The following CSMD3 variants were observed in gnomAD, a reference collection of about 807,000 sequenced individuals.
CSMD3 encodes CUB and Sushi multiple domains 3, also known as CUB and sushi domain-containing protein 3.
A neutral mutation model predicts 435.2 loss-of-function variants in CSMD3; 177 were observed. That is an observed-to-expected ratio of 0.41 (90% CI 0.36 to 0.46). The LOEUF is 0.46. Ranked by LOEUF, CSMD3 falls within the 20% of genes least tolerant of loss-of-function variation. The probability of loss-of-function intolerance (pLI) is 0.34; values close to 1 mark genes in which losing one functional copy is unlikely to be tolerated. For missense variants in CSMD3, 4,265 were observed against 4,504.6 expected (o/e 0.95, Z 1.52); for synonymous variants, 1,656 against 1,520.5 (o/e 1.09, Z -2.07).
intron 11 of CSMD3, 115 bp from the exon 12 acceptor site, chr8:112,829,904 C>G: frequency 1.6e-6 from 1 of 638,600 alleles, no homozygotes. Flanking sequence ...CACACACACA[C>G]ACACACACAC....
chr8:112,291,401 C>A, intron 56 of CSMD3, 109 bp downstream of exon 56: 2 of 799,638 alleles, frequency 2.5e-6, no homozygotes, highest in East Asian at 2.7e-5. Context: ...ACAATAAAAT[C>A]AATATGCTTC....
chr8:113,106,426 C>G (rs2090479721), intron 4 of CSMD3, among the ~76,000 whole-genome samples: 1 of 152,100 alleles, frequency 6.6e-6, no homozygotes, highest in African/African-American at 2.4e-5. Context: ...CAGAATGCAG[C>G]TAAGAGAAAA....
At chr8:113,146,280 CA>C (rs1367960508) in intron 4 of CSMD3, among the ~76,000 whole-genome samples, 2 of 151,372 alleles carry the variant, frequency 1.3e-5, no homozygotes, top group African/African-American at 4.8e-5. Flanking sequence ...CCACATGCTT[CA>C]TGGGGGGTAG....
At chr8:112,400,546 A>G (rs1831233763) in intron 35 of CSMD3, among the ~76,000 whole-genome samples, 1 of 152,184 alleles carries the variant, frequency 6.6e-6, no homozygotes, top group Non-Finnish European at 1.5e-5. Context: ...GATCTCTGAC[A>G]GAGAGATGGT....
intron 15 of CSMD3, among the ~76,000 whole-genome samples, chr8:112,684,656 T>A (rs2075972977): frequency 6.6e-6 from 1 of 152,146 alleles, no homozygotes; most frequent in Non-Finnish European, 1.5e-5. Context: ...GTGATTCATC[T>A]TTTTTCTATG....
intron 3 of CSMD3, among the ~76,000 whole-genome samples, chr8:113,215,566 A>G (rs1311456033): frequency 1.3e-5 from 2 of 151,902 alleles, no homozygotes; most frequent in Admixed American, 1.3e-4. Context: ...CAGACTTTGG[A>G]TCATTAACTT....
intron 1 of CSMD3, among the ~76,000 whole-genome samples, chr8:113,316,572 C>G (rs546621096): frequency 6.9e-6 from 1 of 145,826 alleles, no homozygotes; most frequent in Non-Finnish European, 1.5e-5. Flanking sequence ...TTTTTTGAGA[C>G]GGAATCTTGC....
intron 13 of CSMD3, among the ~76,000 whole-genome samples, chr8:112,719,027 T>C (rs1297392256): frequency 6.6e-6 from 1 of 152,162 alleles, no homozygotes; most frequent in Non-Finnish European, 1.5e-5. Context: ...ATTGAAGACA[T>C]TATTCTGATA....
At chr8:112,583,230 CCTTGAGTAA>C (rs1830464850) in intron 23 of CSMD3, among the ~76,000 whole-genome samples, 1 of 151,950 alleles carries the variant, frequency 6.6e-6, no homozygotes, top group African/African-American at 2.4e-5. Flanking sequence ...TCTACTTCGT[CCTTGAGTAA>C]CTAGTTTCTA....
intron 7 of CSMD3, among the ~76,000 whole-genome samples, chr8:112,958,207 T>C (rs1483688112): frequency 6.6e-6 from 1 of 152,212 alleles, no homozygotes; most frequent in African/African-American, 2.4e-5. Flanking sequence ...AGAAAAACTA[T>C]GTATGCTCTA....
intron 4 of CSMD3, among the ~76,000 whole-genome samples, chr8:113,124,567 A>G (rs1167807889): frequency 6.6e-6 from 1 of 151,904 alleles, no homozygotes; most frequent in Admixed American, 6.6e-5. Flanking sequence ...AGAATTTCTT[A>G]TTTCTCCATA....
chr8:112,405,009 C>T (rs1380911868), intron 35 of CSMD3, among the ~76,000 whole-genome samples: 1 of 149,988 alleles, frequency 6.7e-6, no homozygotes, highest in Non-Finnish European at 1.5e-5. Flanking sequence ...GAGACCTGGT[C>T]CCTTTTGTAT....
At chr8:112,416,230 A>C (rs754331868) in intron 32 of CSMD3, among the ~76,000 whole-genome samples, 3 of 152,164 alleles carry the variant, frequency 2.0e-5, no homozygotes, top group Non-Finnish European at 4.4e-5. Flanking sequence ...TTGTCATGAT[A>C]GTGAGTGAGT....
intron 1 of CSMD3, among the ~76,000 whole-genome samples, chr8:113,324,617 G>A (rs953384844): frequency 6.6e-6 from 1 of 152,190 alleles, no homozygotes; most frequent in African/African-American, 2.4e-5. Flanking sequence ...GGTCTTCACG[G>A]AGAACCTCTG....
chr8:112,921,685 G>C lies in CSMD3; in HGVS notation c.1575C>G (p.Thr525=), dbSNP rs1241840866. ...CAAAAACTTCAGCTATCCGTTGACAGGTGATGCTCTTTGCGCCCTGTAGGA... is the reference window on the plus strand; with the variant it reads ...CAAAAACTTCAGCTATCCGTTGACACGTGATGCTCTTTGCGCCCTGTAGGA... The part of the protein sequence containing the change: ...DYVLQGAKSI[T]CQRIAEVFAA... Residue 525 remains threonine, a synonymous_variant, in exon 10 of 71, where the codon ACC becomes ACG. Coordinates refer to ENST00000297405, the MANE Select transcript of CSMD3 (RefSeq NM_198123.2). The C allele has an allele frequency of 1.9e-6, 3 of 1,611,810 alleles. No homozygotes were observed. The highest frequency in any genetic ancestry group is 2.5e-6 in the Non-Finnish European group (3 of 1,178,170).
chr8:112,606,975 A>G (rs1028350328), intron 22 of CSMD3, among the ~76,000 whole-genome samples: 365 of 31,598 alleles, frequency 0.012, 5 homozygotes, highest in South Asian at 0.1. Context: ...AAGCTATGAA[A>G]AAAAAAAAAA....
intron 38 of CSMD3, among the ~76,000 whole-genome samples, chr8:112,373,510 A>AT (rs578175702): frequency 2.0e-3 from 299 of 148,038 alleles, no homozygotes; most frequent in African/African-American, 7.2e-3. Flanking sequence ...AAAATTAGGT[A>AT]TTTAAAAAAA....
rs373200529 is a variant in CSMD3, at chr8:112,224,815, C to T, written c.11080G>A (p.Val3694Ile). The change falls in exon 71 of 71, where the codon GTA becomes ATA. Residue 3694 changes from valine to isoleucine, a missense_variant. Around this residue, in one of 3 missense-constraint regions of CSMD3, gnomAD observed 3,255 missense variants for 3,380.2 expected, o/e 0.96. Transcript: ENST00000297405. ...GTGTTCAAGTTGGGATCAAATCGTA[C>T]CGCCTTCCCTTCCACTGACTTTGCG... ...TNAKSVEGKAVRFDPNLNTVC... is the reference protein window; with the variant it reads ...TNAKSVEGKAIRFDPNLNTVC... The T allele has an allele frequency of 1.2e-6, 2 of 1,614,014 alleles. No homozygotes were observed. Among genetic ancestry groups the T allele is most frequent in the Non-Finnish European group, 1.7e-6 (2 of 1,179,906 alleles).
intron 3 of CSMD3, among the ~76,000 whole-genome samples, chr8:113,190,674 G>T (rs367577127): frequency 6.9e-6 from 1 of 145,026 alleles, no homozygotes; most frequent in Non-Finnish European, 1.5e-5. Context: ...GGAAAAGAAA[G>T]ATTTACTCTG....
Sources: gnomAD v4.1 joint callset for allele counts (sites outside exome capture counted in the v4.1 genomes callset) on GRCh38, gnomAD v4.1.1 for gene constraint, gnomAD v4.1.1 regional missense constraint, MANE v1.5 for transcripts, NCBI Gene and HGNC (gene_info 2026-07-23, HGNC 2026-07-21) for gene names.